SLC25A25: variants seen among roughly 807,000 people sequenced by gnomAD.
The protein encoded by SLC25A25 is mitochondrial adenyl nucleotide antiporter SLC25A25.
A neutral mutation model predicts 57.7 loss-of-function variants in SLC25A25; 32 were observed. That is an observed-to-expected ratio of 0.55 (90% CI 0.42 to 0.74). SLC25A25 has a LOEUF of 0.74. Among genes scored for constraint, SLC25A25 ranks in the 30% least tolerant of loss-of-function variants. The pLI is 0.00. For missense variants in SLC25A25, 556 were observed against 701.3 expected (o/e 0.79, Z 2.34); for synonymous variants, 306 against 291.2 (o/e 1.05, Z -0.52).
At chr9:128,087,756 A>G (rs1224593788) in intron 1 of SLC25A25, among the ~76,000 whole-genome samples, 1 of 152,128 alleles carries the variant, frequency 6.6e-6, no homozygotes, top group Non-Finnish European at 1.5e-5. Flanking sequence ...GTTTTATTTT[A>G]GGAAGCTTCT....
At chr9:128,106,640 C>T (rs1454119096) in intron 9 of SLC25A25, 120 bp downstream of exon 9, 2 of 1,249,118 alleles carry the variant, frequency 1.6e-6, no homozygotes, top group South Asian at 1.5e-5. Context: ...CGCCTCCTTC[C>T]TGCTCTTCTG....
intron 1 of SLC25A25, among the ~76,000 whole-genome samples, chr9:128,079,639 T>C (rs1277944881): frequency 2.7e-5 from 4 of 146,482 alleles, no homozygotes; most frequent in Non-Finnish European, 4.5e-5. Context: ...TAGCCGGGCC[T>C]GGTGGCGCAT....
rs1477239046 is a variant in SLC25A25, at chr9:128,095,955, A to G, written c.262-5141A>G. ...ATAATTATTTTTAAAATATACTTTA[A>G]TAGAAAGTGAAATCTCCAATTGAAC... On this transcript the variant is annotated intron_variant, in intron 1 of 10. Coordinates refer to ENST00000373069, the MANE Select transcript of SLC25A25 (RefSeq NM_001330988.2). This position sits in a 1 kb window ranked among gnomAD's most constrained non-coding sequence, Gnocchi z 4.4. Among the ~76,000 whole-genome samples, 2 of 152,376 alleles carry G rather than the reference A, an allele frequency of 1.3e-5. No individual in the cohort carries two copies. The highest frequency in any genetic ancestry group is 3.9e-4 in the East Asian group (2 of 5,194).
rs368317938 is a variant in SLC25A25 at position 128,099,020 on chromosome 9, C to A, written c.262-2076C>A. The A allele has an allele frequency of 6.1e-6, 6 of 985,258 alleles. No individual in the cohort carries two copies. In the African/African-American group the frequency reaches 7.0e-5, roughly 11 times the overall value. The allele number at this position is 985,258 out of a possible 1,614,324, so 61.0% of individuals were successfully genotyped here. On this transcript the variant is annotated intron_variant, in intron 1 of 10. Transcript: ENST00000373069. This position sits in a 1 kb window ranked among gnomAD's most constrained non-coding sequence, Gnocchi z 6.8. ...GGGGTGTTCCTGAGAAGTACAGAGC[C>A]AGAAAGGGACCTGGGGGGCAGGCCA...
intron 1 of SLC25A25, among the ~76,000 whole-genome samples, chr9:128,081,751 A>C (rs1833160364): frequency 6.6e-6 from 1 of 152,092 alleles, no homozygotes; most frequent in Non-Finnish European, 1.5e-5. Flanking sequence ...CAACATAGGG[A>C]GACCCAATCT....
Position 128,068,328 on chromosome 9 carries a change from C to T in SLC25A25, c.9C>T (p.Ser3=). The T allele has an allele frequency of 1.3e-6, 2 of 1,506,944 alleles. No homozygotes were observed. The highest frequency in any genetic ancestry group is 8.8e-7 in the Non-Finnish European group (1 of 1,133,624). 93.3% of individuals were successfully genotyped at this position (1,506,944 alleles called of 1,614,324 possible). The change falls in exon 1 of 11, where the codon AGC becomes AGT. Residue 3 remains serine (S), a synonymous_variant. Coordinates refer to ENST00000373069, the MANE Select transcript of SLC25A25 (RefSeq NM_001330988.2). MV[S]SVLCRCVASP... is the part of the protein sequence containing the mutation. ...CCCCTGCCTCGCGCCCGATGGTGAG[C>T]AGTGTGTTGTGCCGCTGTGTGGCCT...
In SLC25A25 at chr9:128,107,330, C is replaced by A; in HGVS notation, c.1434C>A (p.Ala478=). ...LFKHILRTEG[A]FGLYRGLAPN... ...AACATATCCTGCGGACCGAGGGGGC[C>A]TTCGGGCTGTACAGGGGGCTGGCCC... The change falls in exon 11 of 11, where the codon GCC becomes GCA. Residue 478 remains alanine (A), a synonymous_variant. Transcript: ENST00000373069. The A allele has an allele frequency of 6.5e-7, 1 of 1,546,558 alleles. No homozygotes were observed. The highest frequency in any genetic ancestry group is 8.8e-7 in the Non-Finnish European group (1 of 1,142,284).
intron 1 of SLC25A25, among the ~76,000 whole-genome samples, chr9:128,079,228 C>T (rs1186374803): frequency 6.6e-6 from 1 of 151,834 alleles, no homozygotes; most frequent in Non-Finnish European, 1.5e-5. Context: ...GGTGGCTGTC[C>T]CTGTTCCTGC....
chr9:128,088,323 C>G (rs1833322438), intron 1 of SLC25A25, among the ~76,000 whole-genome samples: 1 of 152,178 alleles, frequency 6.6e-6, no homozygotes, highest in South Asian at 2.1e-4. Flanking sequence ...CCCTGTAATC[C>G]TTTGGGATGG....
At chr9:128,098,630 G>GAGTC in intron 1 of SLC25A25, 1 of 1,614,114 alleles carries the variant, frequency 6.2e-7, no homozygotes, top group Non-Finnish European at 8.5e-7. Context: ...CCAGTACTTT[G>GAGTC]AGTCGAAGGG....
At chr9:128,106,741 TCAGCAGGCAGATCCCCA>T (rs1834057028) in intron 9 of SLC25A25, among the ~76,000 whole-genome samples, 1 of 152,086 alleles carries the variant, frequency 6.6e-6, no homozygotes, top group South Asian at 2.1e-4. Flanking sequence ...CCCCAGAGGC[TCAGCAGGCAGATCCCCA>T]GAGCAGGGTG....
At chr9:128,079,157 A>G (rs1016498024) in intron 1 of SLC25A25, among the ~76,000 whole-genome samples, 4 of 152,154 alleles carry the variant, frequency 2.6e-5, no homozygotes, top group Non-Finnish European at 4.4e-5. Context: ...TGGCTTTTCC[A>G]GGAAGTTTGA....
chr9:128,106,951 G>A lies in SLC25A25; in HGVS notation c.1213-78G>A. On this transcript the variant is annotated intron_variant, in intron 9 of 10. Transcript: ENST00000373069. Reference sequence around the variant, plus strand: ...CGGCAGTCGGGTTCCAGTGGCCTGAGGACCCAGTAACAGCCCCGTCTCTTG... The same window carrying A: ...CGGCAGTCGGGTTCCAGTGGCCTGAAGACCCAGTAACAGCCCCGTCTCTTG... 5 of 1,535,188 alleles carry A rather than the reference G, an allele frequency of 3.3e-6. No homozygotes were observed. The Middle Eastern group carries it at 5.2e-4, about 160-fold the overall frequency.
intron 1 of SLC25A25, chr9:128,098,588 G>A (rs764414142): frequency 1.5e-5 from 25 of 1,613,974 alleles, no homozygotes; most frequent in African/African-American, 1.1e-4. Flanking sequence ...GTGCCTGTAT[G>A]TGCCGGTCAT....
chr9:128,106,162 G>C lies in SLC25A25; in HGVS notation c.949G>C (p.Val317Leu). 6.2e-7 allele frequency: 1 copy of C among 1,614,248 alleles called. No individual in the cohort carries two copies. Among genetic ancestry groups the C allele is most frequent in the Non-Finnish European group, 8.5e-7 (1 of 1,180,036 alleles). The change falls in exon 8 of 11, where the codon GTT (valine) becomes CTT (leucine). Residue 317 changes from valine to leucine, a missense_variant. Physicochemically the swap from Val to Leu is conservative, Grantham distance 32 (BLOSUM62 1). Transcript: ENST00000373069. ...FMAYEQIKRLVGSDQETLRIH... is the reference protein window; with the variant it reads ...FMAYEQIKRLLGSDQETLRIH... ...TTCCTGGTTCTAGATCAAGCGCCTT[G>C]TTGGTAGTGACCAGGAGACTCTGAG...
intron 1 of SLC25A25, among the ~76,000 whole-genome samples, chr9:128,087,660 C>T (rs1028512436): frequency 1.3e-5 from 2 of 152,174 alleles, no homozygotes; most frequent in African/African-American, 4.8e-5. Flanking sequence ...TTTCAGCCCC[C>T]TCCTTCATGG....
At chr9:128,097,844 C>T (rs1833607783) in intron 1 of SLC25A25, among the ~76,000 whole-genome samples, 1 of 152,194 alleles carries the variant, frequency 6.6e-6, no homozygotes, top group Admixed American at 6.5e-5. Flanking sequence ...GCAGAATGGC[C>T]TGGAAGAGGT....
At chr9:128,100,617 A>G (rs1204926778) in intron 1 of SLC25A25, among the ~76,000 whole-genome samples, 5 of 152,156 alleles carry the variant, frequency 3.3e-5, no homozygotes, top group Non-Finnish European at 5.9e-5. Context: ...TTAGGAGAGA[A>G]ACAGCGAGCT....
chr9:128,083,505 T>C (rs373901834), intron 1 of SLC25A25, among the ~76,000 whole-genome samples: 1 of 71,194 alleles, frequency 1.4e-5, no homozygotes, highest in Non-Finnish European at 3.5e-5. Flanking sequence ...CTTTTTTTTT[T>C]CTTTTTTCTT....
Sources: gnomAD v4.1 joint callset for allele counts (sites outside exome capture counted in the v4.1 genomes callset) on GRCh38, gnomAD v4.1.1 for gene constraint, Gnocchi (gnomAD v3.1) non-coding constraint, MANE v1.5 for transcripts, NCBI Gene and HGNC (gene_info 2026-07-23, HGNC 2026-07-21) for gene names.